The following GRM7 variants were observed in gnomAD, a reference collection of about 807,000 sequenced individuals.
GRM7 encodes metabotropic glutamate receptor 7.
GRM7 carries 35 observed loss-of-function variants against 84.5 expected under a neutral mutation model. That is an observed-to-expected ratio of 0.41 (90% CI 0.32 to 0.55). GRM7 has a LOEUF of 0.55. Among genes scored for constraint, GRM7 ranks in the 20% least tolerant of loss-of-function variants. The probability of loss-of-function intolerance (pLI) is 0.19; values close to 1 mark genes in which losing one functional copy is unlikely to be tolerated. For missense variants in GRM7, 1,003 were observed against 1,194.6 expected (o/e 0.84, Z 2.36); for synonymous variants, 487 against 455.1 (o/e 1.07, Z -0.89).
In GRM7 at chr3:7,048,523, T is replaced by C. The variant is rs573107133; in HGVS notation, c.520-97929T>C. On this transcript the variant is annotated intron_variant, in intron 1 of 9. Coordinates refer to ENST00000357716, the MANE Select transcript of GRM7 (RefSeq NM_000844.4). ...AAAAAAGATGCATTACTGGGGCCTA[T>C]TAACTTAATTAGAAGTAACAGATTT... 2.0e-5 allele frequency among the ~76,000 whole-genome samples: 3 copies of C among 152,048 alleles called. No individual in the cohort carries two copies. The South Asian group carries it at 6.2e-4, about 32-fold the overall frequency.
At chr3:7,137,324 T>C (rs1179460019) in intron 1 of GRM7, among the ~76,000 whole-genome samples, 1 of 152,146 alleles carries the variant, frequency 6.6e-6, no homozygotes, top group Non-Finnish European at 1.5e-5. Flanking sequence ...GCACTTTTTT[T>C]CTATCTTGAA....
intron 8 of GRM7, among the ~76,000 whole-genome samples, chr3:7,658,045 A>T (rs145171064): frequency 5.6e-4 from 85 of 152,328 alleles, no homozygotes; most frequent in African/African-American, 1.9e-3. Context: ...GATAAGAATG[A>T]AGAACACTAT....
intron 7 of GRM7, among the ~76,000 whole-genome samples, chr3:7,509,883 G>A (rs1302710702): frequency 6.6e-6 from 1 of 151,984 alleles, no homozygotes; most frequent in African/African-American, 2.4e-5. Flanking sequence ...CACCAGTGAA[G>A]GCTTGAAAAG....
chr3:7,191,683 T>G (rs894779368), intron 2 of GRM7, among the ~76,000 whole-genome samples: 33 of 150,698 alleles, frequency 2.2e-4, no homozygotes, highest in South Asian at 8.4e-4. Context: ...TATGACATTC[T>G]TGAAACGACA....
At position 7,073,342 on chromosome 3, in the gene GRM7, A is replaced by G. The variant is rs1349669950; in HGVS notation, c.520-73110A>G. On this transcript the variant is annotated intron_variant, in intron 1 of 9. Transcript: ENST00000357716. ...ATGGATGTGATTAGCTAATGGCACT[A>G]TAACTTGAAAATAATGGTTCACATA... 1.3e-5 allele frequency among the ~76,000 whole-genome samples: 2 copies of G among 152,078 alleles called. 1 individual carries two copies. The highest frequency in any genetic ancestry group is 1.3e-4 in the Admixed American group (2 of 15,250).
chr3:7,181,780 A>G (rs1165638494), intron 2 of GRM7, among the ~76,000 whole-genome samples: 3 of 151,408 alleles, frequency 2.0e-5, no homozygotes, highest in Admixed American at 2.0e-4. Flanking sequence ...AGTTATTTTT[A>G]TTTTTTATTT....
chr3:7,639,400 C>G (rs1297721588), intron 8 of GRM7, among the ~76,000 whole-genome samples: 1 of 152,186 alleles, frequency 6.6e-6, no homozygotes, highest in Non-Finnish European at 1.5e-5. Flanking sequence ...AGCTGCCCTT[C>G]TATCTCTCCC....
intron 1 of GRM7, among the ~76,000 whole-genome samples, chr3:6,878,378 C>CGTGTGTGT (rs34132725): frequency 0.01 from 1,426 of 142,028 alleles, 15 homozygotes; most frequent in East Asian, 0.025. Context: ...TATGTGTTTG[C>CGTGTGTGT]GTGTGTGTGT....
chr3:7,736,298 C>G (rs1702497165), intron 9 of GRM7, among the ~76,000 whole-genome samples: 1 of 152,018 alleles, frequency 6.6e-6, no homozygotes, highest in African/African-American at 2.4e-5. Context: ...ATGTTTTATC[C>G]TGCCCTATAG....
chr3:7,125,053 C>T (rs1376671014), intron 1 of GRM7, among the ~76,000 whole-genome samples: 1 of 152,190 alleles, frequency 6.6e-6, no homozygotes, highest in Non-Finnish European at 1.5e-5. Flanking sequence ...GATTCTCCTG[C>T]CTCAGTCTCC....
At chr3:7,256,725 C>G (rs1698218256) in intron 2 of GRM7, among the ~76,000 whole-genome samples, 1 of 152,120 alleles carries the variant, frequency 6.6e-6, no homozygotes, top group African/African-American at 2.4e-5. Flanking sequence ...CTGCTATATT[C>G]TAGGCCTTGG....
chr3:7,666,657 G>A (rs1699714184), intron 8 of GRM7, among the ~76,000 whole-genome samples: 1 of 152,164 alleles, frequency 6.6e-6, no homozygotes, highest in Non-Finnish European at 1.5e-5. Context: ...TGCTTTAGGT[G>A]TTATTAACTG....
At chr3:7,341,562 T>C (rs1172242648) in intron 4 of GRM7, among the ~76,000 whole-genome samples, 3 of 152,082 alleles carry the variant, frequency 2.0e-5, no homozygotes, top group African/African-American at 7.2e-5. Context: ...CAGTCTAGTA[T>C]ATAGAGGTAA....
intron 4 of GRM7, among the ~76,000 whole-genome samples, chr3:7,388,551 G>A (rs1375266157): frequency 6.6e-6 from 1 of 151,998 alleles, no homozygotes; most frequent in Non-Finnish European, 1.5e-5. Flanking sequence ...ATAGAATTTG[G>A]CTATGAATCT....
intron 2 of GRM7, among the ~76,000 whole-genome samples, chr3:7,173,683 C>T (rs1037342115): frequency 2.6e-5 from 4 of 152,072 alleles, no homozygotes; most frequent in African/African-American, 9.7e-5. Flanking sequence ...ATTCCTTCTG[C>T]CTAAAATACT....
At chr3:7,358,942 AC>A (rs1400841423) in intron 4 of GRM7, among the ~76,000 whole-genome samples, 3 of 151,706 alleles carry the variant, frequency 2.0e-5, no homozygotes, top group Non-Finnish European at 4.4e-5. Context: ...ACATGGTGAA[AC>A]CCTGTCTCTA....
chr3:7,081,403 A>G (rs534589800), intron 1 of GRM7, among the ~76,000 whole-genome samples: 2 of 152,096 alleles, frequency 1.3e-5, no homozygotes, highest in Non-Finnish European at 2.9e-5. Flanking sequence ...GGGCACCACA[A>G]ACAGTCTCCG....
chr3:7,497,827 C>T (rs151166803), intron 7 of GRM7, among the ~76,000 whole-genome samples: 14 of 152,266 alleles, frequency 9.2e-5, no homozygotes, highest in African/African-American at 3.1e-4. Context: ...AGTTTCCTCT[C>T]ATGCATAATG....
Position 6,948,460 on chromosome 3 carries a change from G to A in GRM7, c.519+86553G>A, listed in dbSNP as rs934816134. On this transcript the variant is annotated intron_variant, in intron 1 of 9. Coordinates refer to ENST00000357716, the MANE Select transcript of GRM7 (RefSeq NM_000844.4). Reference sequence around the variant, plus strand: ...TCTGTTCTTTTACATTTGCTGAGGAGTGCTTTACTTCCACCTATGAGGTCA... The same window carrying A: ...TCTGTTCTTTTACATTTGCTGAGGAATGCTTTACTTCCACCTATGAGGTCA... Among the ~76,000 whole-genome samples the A allele has an allele frequency of 2.6e-5, 4 of 152,178 alleles. No individual in the cohort carries two copies. The East Asian group carries it at 7.7e-4, about 29-fold the overall frequency.
Sources: allele counts gnomAD v4.1 joint callset (sites outside exome capture counted in the v4.1 genomes callset), GRCh38; gene constraint gnomAD v4.1.1; transcripts MANE v1.5; gene names NCBI Gene and HGNC (gene_info 2026-07-23, HGNC 2026-07-21).